ACSS1: variants seen among roughly 807,000 people sequenced by gnomAD.
The protein encoded by ACSS1 is acetyl-coenzyme A synthetase 2-like, mitochondrial.
ACSS1 carries 42 observed loss-of-function variants against 75.3 expected under a neutral mutation model. The ratio of observed to expected loss-of-function variants is 0.56; its 90% confidence interval spans 0.44 to 0.72. The LOEUF is 0.72. ACSS1 is among the 30% of genes least tolerant of loss of function. The pLI is 0.00. For missense variants in ACSS1, 782 were observed against 935.7 expected (o/e 0.84, Z 2.14); for synonymous variants, 380 against 376.8 (o/e 1.01, Z -0.10).
chr20:25,052,646 C>G (rs534476445), intron 1 of ACSS1, among the ~76,000 whole-genome samples: 132 of 152,348 alleles, frequency 8.7e-4, no homozygotes, highest in African/African-American at 2.8e-3. Flanking sequence ...TGAGCATTTT[C>G]TGGATTATTC....
intron 1 of ACSS1, among the ~76,000 whole-genome samples, chr20:25,052,447 G>A (rs766526917): frequency 1.3e-5 from 2 of 152,174 alleles, no homozygotes; most frequent in Non-Finnish European, 2.9e-5. Flanking sequence ...ACTGCCCCAT[G>A]CTCCCTGGTG....
intron 1 of ACSS1, among the ~76,000 whole-genome samples, chr20:25,050,014 C>A (rs1324175923): frequency 1.3e-5 from 2 of 152,046 alleles, no homozygotes; most frequent in African/African-American, 2.4e-5. Context: ...AATAGTGAGG[C>A]CAATTCAGGC....
chr20:25,035,488 C>T (rs1295510539), intron 2 of ACSS1, among the ~76,000 whole-genome samples: 1 of 152,090 alleles, frequency 6.6e-6, no homozygotes, highest in Non-Finnish European at 1.5e-5. Flanking sequence ...TCACTGCAAC[C>T]TCCACCTCCC....
chr20:25,028,580 C>T (rs533112547), intron 3 of ACSS1, among the ~76,000 whole-genome samples: 9 of 152,218 alleles, frequency 5.9e-5, no homozygotes, highest in Non-Finnish European at 1.0e-4. Context: ...AAGAATGAAA[C>T]TGGACCCTTA....
Position 25,058,073 on chromosome 20 carries a change from G to T in ACSS1, c.30C>A (p.Val10=). The change falls in exon 1 of 14, where the codon GTC becomes GTA. Residue 10 remains valine (V), a synonymous_variant. Coordinates refer to ENST00000323482, the MANE Select transcript of ACSS1 (RefSeq NM_032501.4). ...CTCGCAGGCTGCCCAGCAGCCTCCC[G>T]ACGCCGCGGCCCAGGGTGCGCGCCG... is the stretch of plus-strand genomic sequence containing the variant. MAARTLGRG[V]GRLLGSLRGL... 1 of 1,269,544 alleles carries T rather than the reference G, an allele frequency of 7.9e-7. No individual in the cohort carries two copies. The highest frequency in any genetic ancestry group is 2.8e-5 in the South Asian group (1 of 35,558). 78.6% of individuals were successfully genotyped at this position (1,269,544 alleles called of 1,614,324 possible). A position where few individuals can be genotyped will look rare whatever the true frequency, so the allele number is the denominator to read the frequency against.
rs1340708577 is a variant in ACSS1 at position 25,023,602 on chromosome 20, C to T, written c.671G>A (p.Arg224Gln). The change falls in exon 4 of 14, where the codon CGG becomes CAG. Residue 224 changes from arginine to glutamine, a missense_variant. This residue lies in a region of ACSS1 where 377 missense variants were observed against 383.1 expected (regional missense o/e 0.98). Transcript: ENST00000323482. ...KVVITFNQGL[R>Q]GGRVVELKKI... Reference sequence around the variant, plus strand: ...CTTCAGCTCCACCACGCGCCCACCCCGGAGTCCTTGGTTGAAGGTGATAAC... The same window carrying T: ...CTTCAGCTCCACCACGCGCCCACCCTGGAGTCCTTGGTTGAAGGTGATAAC... 6.2e-6 allele frequency: 10 copies of T among 1,612,824 alleles called. No homozygotes were observed. Among genetic ancestry groups the T allele is most frequent in the South Asian group, 1.1e-5 (1 of 90,976 alleles).
At chr20:25,048,494 C>G (rs947382459) in intron 1 of ACSS1, among the ~76,000 whole-genome samples, 1 of 152,206 alleles carries the variant, frequency 6.6e-6, no homozygotes, top group Non-Finnish European at 1.5e-5. Flanking sequence ...GGTCCTGGGC[C>G]TTCAAAGCCT....
In ACSS1 at chr20:25,023,388, A is replaced by T. The variant is rs533217626; in HGVS notation, c.807+78T>A. ...GCACCTCTAGGGAACCCAAATTGAG[A>T]ACCACAACCCGAGAAGCCTCAGAGC... On this transcript the variant is annotated intron_variant, in intron 4 of 13. Transcript: ENST00000323482. 9.0e-6 allele frequency: 14 copies of T among 1,560,978 alleles called. No homozygotes were observed. The Admixed American group carries it at 1.8e-4, about 20-fold the overall frequency.
At chr20:25,043,705 C>G (rs1026188652) in intron 2 of ACSS1, among the ~76,000 whole-genome samples, 1 of 152,214 alleles carries the variant, frequency 6.6e-6, no homozygotes, top group African/African-American at 2.4e-5. Context: ...GGAGTTTCCA[C>G]GGGGGAACAG....
intron 1 of ACSS1, among the ~76,000 whole-genome samples, chr20:25,057,153 G>A (rs1415446927): frequency 1.3e-5 from 2 of 152,002 alleles, no homozygotes; most frequent in East Asian, 1.9e-4. Context: ...GAACGGGGAG[G>A]CCGCCGTTAC....
intron 2 of ACSS1, among the ~76,000 whole-genome samples, chr20:25,043,636 C>T (rs1016912547): frequency 6.6e-6 from 1 of 152,194 alleles, no homozygotes; most frequent in Non-Finnish European, 1.5e-5. Flanking sequence ...TCACTGTGCA[C>T]GACCCCACCC....
intron 1 of ACSS1, among the ~76,000 whole-genome samples, chr20:25,054,990 CT>C (rs2089222870): frequency 6.6e-6 from 1 of 152,254 alleles, no homozygotes; most frequent in African/African-American, 2.4e-5. Context: ...AACCAGTCCA[CT>C]TTTTGTTCTC....
chr20:25,057,427 G>A (rs1377835121), intron 1 of ACSS1, among the ~76,000 whole-genome samples: 3 of 152,220 alleles, frequency 2.0e-5, no homozygotes, highest in Non-Finnish European at 4.4e-5. Flanking sequence ...CTCCCCGCCG[G>A]CTCTTGCTCA....
At position 25,057,683 on chromosome 20, in the gene ACSS1, G is replaced by C. The variant is rs185994355; in HGVS notation, c.334+86C>G. 6,841 of 1,367,986 alleles carry C rather than the reference G, an allele frequency of 5.0e-3. 26 individuals carry two copies. The highest frequency in any genetic ancestry group is 6.2e-3 in the Non-Finnish European group (6,256 of 1,012,298). 84.7% of individuals were successfully genotyped at this position (1,367,986 alleles called of 1,614,324 possible). A position where few individuals can be genotyped will look rare whatever the true frequency, so the allele number is the denominator to read the frequency against. ...TGCAGGGCTGCGATCCGCGCTGCCCGGGGACGGCTGCCGCTGGCGAGAGGC... is the reference window on the plus strand; with the variant it reads ...TGCAGGGCTGCGATCCGCGCTGCCCCGGGACGGCTGCCGCTGGCGAGAGGC... On this transcript the variant is annotated intron_variant, in intron 1 of 13. Transcript: ENST00000323482.
intron 2 of ACSS1, chr20:25,046,738 TG>T (rs1390150396): frequency 1.3e-6 from 1 of 769,906 alleles, no homozygotes; most frequent in Non-Finnish European, 2.4e-6. Context: ...TGCAGCAGCT[TG>T]GGTCTTCAGA....
chr20:25,057,103 C>G (rs568038721), intron 1 of ACSS1, among the ~76,000 whole-genome samples: 1 of 152,148 alleles, frequency 6.6e-6, no homozygotes. Flanking sequence ...CAAAGCAGGC[C>G]CCAGGTCGCT....
At chr20:25,026,948 G>T (rs2088729657) in intron 3 of ACSS1, among the ~76,000 whole-genome samples, 1 of 152,264 alleles carries the variant, frequency 6.6e-6, no homozygotes, top group Non-Finnish European at 1.5e-5. Context: ...GTCACCAAGA[G>T]TCAACTGCTA....
chr20:25,039,400 G>A (rs999818382), intron 2 of ACSS1, among the ~76,000 whole-genome samples: 2 of 152,178 alleles, frequency 1.3e-5, no homozygotes, highest in African/African-American at 4.8e-5. Context: ...CATTTTTCTT[G>A]AGTTAGTTCA....
intron 13 of ACSS1, 82 bp from the exon 14 acceptor site, chr20:25,008,023 G>A: frequency 6.7e-7 from 1 of 1,501,402 alleles, no homozygotes. Flanking sequence ...GATCAGAAGG[G>A]CTCTGCTCAG....
Sources: allele counts gnomAD v4.1 joint callset (sites outside exome capture counted in the v4.1 genomes callset), GRCh38; gene constraint gnomAD v4.1.1; regional missense constraint gnomAD v4.1.1; transcripts MANE v1.5; gene names NCBI Gene and HGNC (gene_info 2026-07-23, HGNC 2026-07-21).